Variants in PAK3 observed in about 807,000 individuals in gnomAD.
PAK3 encodes the protein p21 (RAC1) activated kinase 3, also known as serine/threonine-protein kinase PAK 3.
PAK3 carries 4 observed loss-of-function variants against 41.0 expected under a neutral mutation model. That is an observed-to-expected ratio of 0.10 (90% CI 0.05 to 0.22). The LOEUF is 0.22. Among genes scored for constraint, PAK3 ranks in the 10% least tolerant of loss-of-function variants. PAK3 has a pLI of 1.00. For missense variants in PAK3, 205 were observed against 409.9 expected, an observed-to-expected ratio of 0.50 and a Z score of 4.32; for synonymous variants, 146 against 139.6, an observed-to-expected ratio of 1.05 and a Z score of -0.32.
intron 1 of PAK3, among the ~76,000 whole-genome samples, chrX:111,002,187 C>T (rs888768057): frequency 9.0e-6 from 1 of 111,624 alleles, no homozygotes; most frequent in East Asian, 2.8e-4. Context: ...ATAATAAATG[C>T]CTTGCATGTA....
rs191082546 is a variant in PAK3 at position 111,173,148 on chromosome X, G to C, written c.830+67G>C. 7.8e-4 allele frequency: 440 copies of C among 565,746 alleles called. 1 individual carries two copies. In the African/African-American group the frequency reaches 8.4e-3, roughly 11 times the overall value. The allele number at this position is 565,746 out of a possible 1,213,427, so 46.6% of individuals were successfully genotyped here. A position where few individuals can be genotyped will look rare whatever the true frequency, so the allele number is the denominator to read the frequency against. On this transcript the variant is annotated intron_variant, in intron 11 of 17. Transcript: ENST00000372007. Reference sequence around the variant, plus strand: ...CAACATACATTAAAATTAAAATTCAGTAAGAGCTTGGGTTTCTGGTAAATT... The same window carrying C: ...CAACATACATTAAAATTAAAATTCACTAAGAGCTTGGGTTTCTGGTAAATT...
chrX:110,997,907 TG>T (rs776782493), intron 1 of PAK3, among the ~76,000 whole-genome samples: 3 of 111,211 alleles, frequency 2.7e-5, no homozygotes, highest in African/African-American at 6.5e-5. Flanking sequence ...AGCAAGAAGA[TG>T]CCGTCTATGA....
At chrX:111,136,260 G>A (rs902242089) in intron 5 of PAK3, among the ~76,000 whole-genome samples, 5 of 111,530 alleles carry the variant, frequency 4.5e-5, no homozygotes, top group Admixed American at 9.5e-5. Context: ...AAGGGGTGAC[G>A]AAACTATTGT....
chrX:111,208,541 G>A (rs969058628), intron 16 of PAK3, among the ~76,000 whole-genome samples: 1 of 111,737 alleles, frequency 8.9e-6, no homozygotes, highest in African/African-American at 3.3e-5. Flanking sequence ...GATACACAAA[G>A]ACTTAAACAC....
In PAK3 at chrX:111,126,888, G is replaced by C. The variant is rs183038474; in HGVS notation, c.175+3610G>C. Among the ~76,000 whole-genome samples, 240 of 110,939 alleles carry C rather than the reference G, an allele frequency of 2.2e-3. 1 individual carries two copies. Among genetic ancestry groups the C allele is most frequent in the African/African-American group, 7.3e-3 (225 of 30,674 alleles). On this transcript the variant is annotated intron_variant, in intron 5 of 17. Coordinates refer to ENST00000372007, the MANE Select transcript of PAK3 (RefSeq NM_002578.5). ...AATGTGCCTATAATTTTATAAGCCG[G>C]AGGTAACTAAGTTGGTATTTTTCTT... is the stretch of plus-strand genomic sequence containing the variant.
chrX:111,153,804 C>A (rs1361433992), intron 8 of PAK3, among the ~76,000 whole-genome samples: 1 of 111,194 alleles, frequency 9.0e-6, no homozygotes, highest in African/African-American at 3.3e-5. Context: ...GGGTATATAC[C>A]CATAATTGAA....
intron 1 of PAK3, among the ~76,000 whole-genome samples, chrX:111,026,769 A>T (rs946370690): frequency 1.8e-5 from 2 of 111,603 alleles, no homozygotes; most frequent in Non-Finnish European, 3.8e-5. Flanking sequence ...AATTCCCATC[A>T]AATTACCAGC....
Position 111,221,320 on chromosome X carries a change from G to A in PAK3, c.*873G>A, listed in dbSNP as rs942007707. 5.4e-5 allele frequency: 6 copies of A among 112,022 alleles called. No individual in the cohort carries two copies. Among genetic ancestry groups the A allele is most frequent in the Non-Finnish European group, 9.4e-5 (5 of 53,189 alleles). 9.2% of individuals were successfully genotyped at this position (112,022 alleles called of 1,213,427 possible). On this transcript the variant is annotated 3_prime_UTR_variant, in exon 18 of 18. Transcript: ENST00000372007. ...ACCTGAAAGAGGACACACTGAAACTGAAACTGTGACATCCTGCTAGGTGAG... is the reference window on the plus strand; with the variant it reads ...ACCTGAAAGAGGACACACTGAAACTAAAACTGTGACATCCTGCTAGGTGAG...
chrX:111,094,679 CTT>C (rs762547955), upstream of PAK3, among the ~76,000 whole-genome samples: 1 of 45,087 alleles, frequency 2.2e-5, no homozygotes, highest in African/African-American at 9.9e-5. Context: ...ATCTGTAGCT[CTT>C]TTTTTTTTTT....
At position 111,001,058 on chromosome X, in the gene PAK3, G is replaced by A. The variant is rs1256527604; in HGVS notation, c.-28+56430G>A. ...ACAAGGTAGAGCACACCAGTACGAG[G>A]GAAATGCAAAGGTGCTGAGGGCATG... On this transcript the variant is annotated intron_variant, in intron 1 of 14. Coordinates refer to the PAK3 transcript ENST00000425146. Among the ~76,000 whole-genome samples the A allele has an allele frequency of 4.5e-5, 5 of 111,714 alleles. No individual in the cohort carries two copies. The East Asian group carries it at 1.4e-3, about 32-fold the overall frequency.
intron 1 of PAK3, among the ~76,000 whole-genome samples, chrX:110,964,916 C>G (rs773151027): frequency 4.8e-4 from 54 of 111,389 alleles, no homozygotes; most frequent in African/African-American, 1.7e-3. Context: ...GCGTGGCAGG[C>G]TCCATTCTTA....
chrX:111,157,756 C>T (rs773825756), intron 8 of PAK3, among the ~76,000 whole-genome samples: 15 of 105,134 alleles, frequency 1.4e-4, no homozygotes, highest in Non-Finnish European at 2.7e-4. Context: ...CATTGCACTC[C>T]AGCCTGGGCA....
intron 1 of PAK3, among the ~76,000 whole-genome samples, chrX:110,991,547 A>G (rs753878911): frequency 8.9e-6 from 1 of 112,110 alleles, no homozygotes; most frequent in African/African-American, 3.2e-5. Context: ...AGTTAATCCA[A>G]GTAAAGTACT....
chrX:111,139,497 G>A (rs757321535), intron 5 of PAK3, among the ~76,000 whole-genome samples: 1,915 of 111,998 alleles, frequency 0.017, 44 homozygotes, highest in African/African-American at 0.059. Flanking sequence ...GCCGCCTAAA[G>A]GAGGAGGAGC....
intron 3 of PAK3, among the ~76,000 whole-genome samples, chrX:111,100,484 C>A (rs1431873386): frequency 9.0e-6 from 1 of 111,527 alleles, no homozygotes; most frequent in African/African-American, 3.3e-5. Context: ...CCCAGTCCTT[C>A]CAACCAGCCT....
chrX:111,085,512 T>C (rs1278869450), intron 1 of PAK3, among the ~76,000 whole-genome samples: 1 of 112,380 alleles, frequency 8.9e-6, no homozygotes, highest in Non-Finnish European at 1.9e-5. Context: ...TGAGTCTTGC[T>C]TTAAAGTATG....
intron 1 of PAK3, among the ~76,000 whole-genome samples, chrX:110,997,472 G>A (rs1360753399): frequency 9.0e-6 from 1 of 111,227 alleles, no homozygotes; most frequent in Non-Finnish European, 1.9e-5. Flanking sequence ...ATAAGAAATG[G>A]ACACAAACTG....
At chrX:111,144,039 A>C (rs757680208) in intron 6 of PAK3, among the ~76,000 whole-genome samples, 36 of 111,659 alleles carry the variant, frequency 3.2e-4, no homozygotes, top group Non-Finnish European at 5.9e-4. Flanking sequence ...TCTTTCATTT[A>C]TCATTCTGGA....
chrX:111,026,449 C>T (rs182756157), intron 1 of PAK3, among the ~76,000 whole-genome samples: 18 of 111,602 alleles, frequency 1.6e-4, no homozygotes, highest in African/African-American at 4.5e-4. Flanking sequence ...GAAATGAATT[C>T]GGCAAAGTTT....
Sources: gnomAD v4.1 joint callset for allele counts (sites outside exome capture counted in the v4.1 genomes callset) on GRCh38, gnomAD v4.1.1 for gene constraint, MANE v1.5 for transcripts, NCBI Gene and HGNC (gene_info 2026-07-23, HGNC 2026-07-21) for gene names.